Variants in CFAP92 observed in about 807,000 individuals in gnomAD.
CFAP92 encodes the protein cilia and flagella associated protein 92 (putative), also known as uncharacterized protein CFAP92.
Under a neutral mutation model 106.3 loss-of-function variants are expected in CFAP92, and 86 were observed. The ratio of observed to expected loss-of-function variants is 0.81; its 90% CI spans 0.68 to 0.97. The LOEUF is 0.97. Ranked by LOEUF, CFAP92 falls within the 50% of genes least tolerant of loss-of-function variation. CFAP92 has a pLI of 0.00. For missense variants in CFAP92, 1,204 were observed against 1,283.8 expected, an observed-to-expected ratio of 0.94 and a Z score of 0.95; for synonymous variants, 477 against 506.4, an observed-to-expected ratio of 0.94 and a Z score of 0.78.
At chr3:129,009,659 C>T in the CFAP92 span, among the ~76,000 whole-genome samples, 8,212 of 152,246 alleles carry the variant, frequency 0.054, 322 homozygotes, top group Non-Finnish European at 0.079. Flanking sequence ...GGCACTGTAC[C>T]CCAGACACAT....
chr3:129,005,354 G>A (rs944239524), upstream of CFAP92, among the ~76,000 whole-genome samples: 4 of 152,240 alleles, frequency 2.6e-5, no homozygotes, highest in African/African-American at 4.8e-5. Context: ...GGAACAGTAC[G>A]GGCAAAGCCC....
the CFAP92 span, among the ~76,000 whole-genome samples, chr3:129,024,921 A>T: frequency 8.5e-5 from 13 of 152,142 alleles, no homozygotes; most frequent in African/African-American, 2.9e-4. Flanking sequence ...AAGAACCAGG[A>T]GGATTTTCTG....
intron 9 of CFAP92, among the ~76,000 whole-genome samples, chr3:128,956,877 G>A (rs1941468265): frequency 6.6e-6 from 1 of 151,260 alleles, no homozygotes; most frequent in Non-Finnish European, 1.5e-5. Context: ...CTACTCAGGA[G>A]GCTGAGGCAG....
At chr3:128,931,481 A>G (rs201581118) in intron 12 of CFAP92, among the ~76,000 whole-genome samples, 2 of 146,746 alleles carry the variant, frequency 1.4e-5, no homozygotes, top group Non-Finnish European at 3.0e-5. Context: ...ACATGTATAT[A>G]TATGTATGTA....
chr3:128,975,901 C>A lies in CFAP92; in HGVS notation c.899G>T (p.Trp300Leu). The A allele has an allele frequency of 1.3e-6, 2 of 1,594,186 alleles. No individual in the cohort carries two copies. Among genetic ancestry groups the A allele is most frequent in the Non-Finnish European group, 1.7e-6 (2 of 1,173,634 alleles). ...AATGGTTGGTGTTCTTGAAACACTC[C>A]ATCTAGAAAATTCACAAAGAGAAAA... ...LKMDDSSTIQ[W>L]SVSRTPTISL... is the part of the protein sequence containing the mutation. Residue 300 changes from tryptophan (W) to leucine (L), a missense_variant and splice_region_variant, in exon 7 of 16, where the codon TGG becomes TTG. Trp to Leu is a moderately conservative substitution (Grantham distance 61, BLOSUM62 -2). Coordinates refer to ENST00000645291, the MANE Select transcript of CFAP92 (RefSeq NM_001394090.1).
At chr3:128,977,756 G>A (rs755586617) in intron 5 of CFAP92, among the ~76,000 whole-genome samples, 1 of 152,196 alleles carries the variant, frequency 6.6e-6, no homozygotes, top group South Asian at 2.1e-4. Context: ...CTACTCGGGA[G>A]GCTGAGGCAG....
chr3:128,935,219 C>T lies in CFAP92; in HGVS notation c.2359G>A (p.Val787Met), dbSNP rs748995503. The T allele has an allele frequency of 2.3e-5, 35 of 1,535,918 alleles. 1 individual carries two copies. The highest frequency in any genetic ancestry group is 1.1e-4 in the South Asian group (9 of 84,052). ...YGDLEAILYH[V>M]HLFQPTELLL... ...AGCTCCGTGGGCTGGAAGAGGTGCA[C>T]GTGGTACAGGATGGCCTCCAGGTCC... Residue 787 changes from valine (V) to methionine (M), a missense_variant, in exon 11 of 16, where the codon GTG becomes ATG. By Grantham distance (21) the Val-to-Met change is conservative. Coordinates refer to ENST00000645291, the MANE Select transcript of CFAP92 (RefSeq NM_001394090.1).
At chr3:129,024,675 A>G in the CFAP92 span, among the ~76,000 whole-genome samples, 1 of 152,176 alleles carries the variant, frequency 6.6e-6, no homozygotes, top group Non-Finnish European at 1.5e-5. Flanking sequence ...CAAAAGAGGG[A>G]GAGAGGGAGA....
At chr3:128,922,658 G>A (rs1937390601) in intron 12 of CFAP92, among the ~76,000 whole-genome samples, 1 of 152,216 alleles carries the variant, frequency 6.6e-6, no homozygotes, top group South Asian at 2.1e-4. Flanking sequence ...AGACTTCCAT[G>A]GGTATCACTG....
Position 128,965,825 on chromosome 3 carries a change from AAAAAAG to A in CFAP92, c.1169-136_1169-131del. On this transcript the variant is annotated intron_variant, in intron 8 of 15. Transcript: ENST00000645291. Reference sequence around the variant, plus strand: ...AAAAGTGAAAACTTTAATTAAAAAAAAAAAAGAAAAGAAAGAATTGGGAAACACCCA... The same window carrying A: ...AAAAGTGAAAACTTTAATTAAAAAAAAAAAGAAAGAATTGGGAAACACCCA... The A allele has an allele frequency of 2.0e-5, 8 of 396,264 alleles. No individual in the cohort carries two copies. In the East Asian group the frequency reaches 2.1e-4, roughly 11 times the overall value. 24.5% of individuals were successfully genotyped at this position (396,264 alleles called of 1,614,324 possible).
At chr3:129,008,551 A>C in the CFAP92 span, among the ~76,000 whole-genome samples, 1 of 152,236 alleles carries the variant, frequency 6.6e-6, no homozygotes, top group Non-Finnish European at 1.5e-5. Flanking sequence ...GGAGACATTT[A>C]TTTAATTCAT....
chr3:128,987,926 C>T, intron 3 of CFAP92, 97 bp from the exon 4 acceptor site: 1 of 1,018,834 alleles, frequency 9.8e-7, no homozygotes, highest in East Asian at 2.6e-5. Context: ...CCCTCAGCAG[C>T]AGCGCTGCCT....
At chr3:128,995,328 G>A (rs1576664263), upstream of CFAP92, among the ~76,000 whole-genome samples, 1 of 152,158 alleles carries the variant, frequency 6.6e-6, no homozygotes, top group Non-Finnish European at 1.5e-5. Context: ...ACAGCCTCAA[G>A]TACAGCTGTT....
At chr3:128,968,426 A>T (rs1942540218) in intron 8 of CFAP92, 1 of 152,224 alleles carries the variant, frequency 6.6e-6, no homozygotes, top group South Asian at 2.1e-4. Flanking sequence ...TACAGTAAAT[A>T]ATCTTATGCT....
intron 12 of CFAP92, among the ~76,000 whole-genome samples, chr3:128,928,041 A>G (rs1173117195): frequency 6.6e-6 from 1 of 152,106 alleles, no homozygotes; most frequent in Non-Finnish European, 1.5e-5. Flanking sequence ...TCACAAGGTC[A>G]AGAGATTGAC....
At chr3:128,912,426 G>A (rs1235644747) in intron 15 of CFAP92, 2 of 1,321,606 alleles carry the variant, frequency 1.5e-6, no homozygotes, top group South Asian at 2.4e-5. Context: ...CTGACTTTGT[G>A]GAAAAATGCC....
At chr3:128,942,914 AC>A (rs1939792003) in intron 10 of CFAP92, among the ~76,000 whole-genome samples, 1 of 102,556 alleles carries the variant, frequency 9.8e-6, no homozygotes, top group African/African-American at 3.9e-5. Flanking sequence ...ACAAAACTCA[AC>A]CTTTTTTTTT....
intron 12 of CFAP92, among the ~76,000 whole-genome samples, chr3:128,920,492 A>T (rs1423667974): frequency 6.6e-6 from 1 of 152,246 alleles, no homozygotes; most frequent in Non-Finnish European, 1.5e-5. Context: ...GAAAAAATAA[A>T]TGGAAATCAT....
chr3:128,936,499 A>G (rs1374593502), intron 10 of CFAP92, among the ~76,000 whole-genome samples: 5 of 138,238 alleles, frequency 3.6e-5, no homozygotes, highest in Non-Finnish European at 3.0e-5. Flanking sequence ...CAACTAAAAC[A>G]GAGTCGACAG....
Sources: gnomAD v4.1 joint callset for allele counts (sites outside exome capture counted in the v4.1 genomes callset) on GRCh38, gnomAD v4.1.1 for gene constraint, MANE v1.5 for transcripts, NCBI Gene and HGNC (gene_info 2026-07-23, HGNC 2026-07-21) for gene names.